Variants in PLPP1 observed in about 807,000 individuals in gnomAD.
PLPP1 encodes lipid phosphate phosphohydrolase 1a.
In PLPP1, 24 loss-of-function variants were observed where a neutral mutation model predicts 31.2. That is an observed-to-expected ratio of 0.77 (90% CI 0.56 to 1.08). The LOEUF (loss-of-function observed/expected upper bound fraction) is 1.08. Among genes scored for constraint, PLPP1 ranks in the 50% least tolerant of loss-of-function variants. The pLI, the probability that PLPP1 is intolerant of heterozygous loss-of-function variation, is 0.00. For synonymous variants in PLPP1, 146 were observed against 126.3 expected (o/e 1.16, Z -1.05); for missense variants, 319 against 342.7 (o/e 0.93, Z 0.55).
chr5:55,444,698 T>C (rs1007598138), intron 3 of PLPP1, among the ~76,000 whole-genome samples: 1 of 147,682 alleles, frequency 6.8e-6, no homozygotes, highest in Non-Finnish European at 1.5e-5. Flanking sequence ...AATTATTAAG[T>C]AAACTGATTT....
intron 2 of PLPP1, among the ~76,000 whole-genome samples, chr5:55,472,323 C>CCCG (rs1029458824): frequency 5.3e-5 from 8 of 152,030 alleles, no homozygotes; most frequent in African/African-American, 1.7e-4. Flanking sequence ...AGAGTATAGG[C>CCCG]CGGGCGCAGT....
intron 1 of PLPP1, among the ~76,000 whole-genome samples, chr5:55,529,766 T>TATCA (rs56343438): frequency 0.78 from 118,910 of 151,606 alleles, 47,566 homozygotes; most frequent in Middle Eastern, 0.88. Context: ...TGTTAGATTA[T>TATCA]ATCACATCGT....
At chr5:55,425,370 C>CAAG (rs1340879082) in intron 5 of PLPP1, 36 bp from the exon 6 acceptor site, 1 of 1,535,516 alleles carries the variant, frequency 6.5e-7, no homozygotes, top group Non-Finnish European at 8.9e-7. Context: ...TAATTTAGAT[C>CAAG]AAGTTAAAAA....
In PLPP1 at chr5:55,426,012, C is replaced by T. The variant is rs757205685; in HGVS notation, c.577G>A (p.Asp193Asn). The change falls in exon 5 of 6, where the codon GAC (aspartate) becomes AAC (asparagine). Residue 193 changes from aspartate (D) to asparagine (N), a missense_variant. Coordinates refer to ENST00000307259, the MANE Select transcript of PLPP1 (RefSeq NM_003711.4). ...GTGGGGCGTAAGAGTCTTGCCCAGTCTCCCTTCATCCTGGCTTGAAGATAA... is the reference window on the plus strand; with the variant it reads ...GTGGGGCGTAAGAGTCTTGCCCAGTTTCCCTTCATCCTGGCTTGAAGATAA... Reference protein sequence around the residue: ...ALYLQARMKGDWARLLRPTLQ... With the variant: ...ALYLQARMKGNWARLLRPTLQ... The T allele has an allele frequency of 9.3e-6, 15 of 1,607,430 alleles. No individual in the cohort carries two copies. In the South Asian group the frequency reaches 1.2e-4, roughly 13 times the overall value.
intron 2 of PLPP1, among the ~76,000 whole-genome samples, chr5:55,472,752 GA>G (rs1752448422): frequency 4.0e-4 from 2 of 5,004 alleles, no homozygotes; most frequent in South Asian, 0.036. Context: ...GGAAGAAGAG[GA>G]AGAGGAAGAA....
intron 1 of PLPP1, among the ~76,000 whole-genome samples, chr5:55,477,354 T>G (rs1349249445): frequency 6.6e-6 from 1 of 151,916 alleles, no homozygotes; most frequent in Non-Finnish European, 1.5e-5. Flanking sequence ...ATGAGCAAAT[T>G]TATTTTGTAC....
intron 1 of PLPP1, among the ~76,000 whole-genome samples, chr5:55,505,957 T>G (rs1042063197): frequency 1.3e-5 from 2 of 152,184 alleles, no homozygotes; most frequent in African/African-American, 4.8e-5. Context: ...CTCTGGAAGC[T>G]GAGGCAGGAG....
intron 3 of PLPP1, among the ~76,000 whole-genome samples, chr5:55,444,084 C>CTT (rs11374794): frequency 5.2e-4 from 73 of 140,638 alleles, no homozygotes; most frequent in South Asian, 1.6e-3. Context: ...AGCCCAAATG[C>CTT]TTTTTTTTTT....
chr5:55,517,906 G>A (rs1202188602), intron 1 of PLPP1, among the ~76,000 whole-genome samples: 2 of 152,218 alleles, frequency 1.3e-5, no homozygotes, highest in Non-Finnish European at 2.9e-5. Flanking sequence ...GGAGTGCAGT[G>A]GCGCAATCTC....
At chr5:55,471,348 C>T (rs1269118227) in intron 2 of PLPP1, among the ~76,000 whole-genome samples, 1 of 151,990 alleles carries the variant, frequency 6.6e-6, no homozygotes, top group Non-Finnish European at 1.5e-5. Context: ...ATTACAGGCA[C>T]CCACCACCGC....
chr5:55,454,522 G>A lies in PLPP1; in HGVS notation c.492-12614C>T, dbSNP rs376875297. Among the ~76,000 whole-genome samples, 37 of 152,296 alleles carry A rather than the reference G, an allele frequency of 2.4e-4. No individual in the cohort carries two copies. In the Middle Eastern group the frequency reaches 0.014, roughly 56 times the overall value. ...GGCCATTTTGGTACAGCAAATTTCT[G>A]TACTCCTCAGGGGCTATTATTGGTT... On this transcript the variant is annotated intron_variant, in intron 3 of 5. Transcript: ENST00000307259.
intron 2 of PLPP1, among the ~76,000 whole-genome samples, chr5:55,473,624 T>C (rs1752468690): frequency 1.3e-5 from 2 of 152,082 alleles, no homozygotes; most frequent in Admixed American, 6.6e-5. Flanking sequence ...GATACAACTA[T>C]ATATATTTTT....
intron 4 of PLPP1, among the ~76,000 whole-genome samples, chr5:55,432,616 A>C (rs983561109): frequency 6.6e-6 from 1 of 151,616 alleles, no homozygotes; most frequent in Admixed American, 6.6e-5. Context: ...ACACAGATGC[A>C]AAAATCCTCA....
chr5:55,488,540 G>C (rs1752821887), intron 1 of PLPP1, among the ~76,000 whole-genome samples: 1 of 152,052 alleles, frequency 6.6e-6, no homozygotes, highest in African/African-American at 2.4e-5. Flanking sequence ...CAGCTACTCG[G>C]GAGGTCAAGG....
chr5:55,513,484 C>T (rs1753486361), intron 1 of PLPP1, among the ~76,000 whole-genome samples: 1 of 151,940 alleles, frequency 6.6e-6, no homozygotes, highest in African/African-American at 2.4e-5. Context: ...GTTGTCCAGG[C>T]TGGTCTCGAA....
chr5:55,534,716 G>T lies in PLPP1; in HGVS notation c.-87C>A. 1 of 1,364,758 alleles carries T rather than the reference G, an allele frequency of 7.3e-7. No individual in the cohort carries two copies. Among genetic ancestry groups the T allele is most frequent in the Non-Finnish European group, 9.9e-7 (1 of 1,011,142 alleles). The allele number at this position is 1,364,758 out of a possible 1,614,324, so 84.5% of individuals were successfully genotyped here. A position where few individuals can be genotyped will look rare whatever the true frequency, so the allele number is the denominator to read the frequency against. The stretch of plus-strand genomic sequence containing the variant: ...CCTTGATTCTCGAGCCCGGGCCGGG[G>T]CTGGCGACGGCCCCGAGCTACGGCC... On this transcript the variant is annotated 5_prime_UTR_variant, in exon 1 of 6. Transcript: ENST00000307259.
At chr5:55,491,178 G>T in intron 1 of PLPP1, 1 of 1,532,712 alleles carries the variant, frequency 6.5e-7, no homozygotes, top group Non-Finnish European at 8.8e-7. Context: ...AGGAAGTAAA[G>T]TCTACTGAAT....
intron 1 of PLPP1, chr5:55,530,514 G>T: frequency 3.4e-6 from 4 of 1,192,328 alleles, no homozygotes; most frequent in Non-Finnish European, 5.0e-6. Context: ...GTTCCCTACT[G>T]AATCTTCAGA....
At chr5:55,452,672 C>T (rs974726540) in intron 3 of PLPP1, among the ~76,000 whole-genome samples, 1 of 152,108 alleles carries the variant, frequency 6.6e-6, no homozygotes, top group Non-Finnish European at 1.5e-5. Context: ...TCCAAGAAAC[C>T]TTTCCTAAAA....
Sources: allele counts gnomAD v4.1 joint callset (sites outside exome capture counted in the v4.1 genomes callset), GRCh38; gene constraint gnomAD v4.1.1; transcripts MANE v1.5; gene names NCBI Gene and HGNC (gene_info 2026-07-23, HGNC 2026-07-21).